Variants in EEF2KMT observed in about 807,000 individuals in gnomAD.
EEF2KMT encodes eukaryotic elongation factor 2 lysine methyltransferase.
In EEF2KMT, 30 loss-of-function variants were observed where a neutral mutation model predicts 35.1. The observed-to-expected ratio is 0.85, with a 90% CI of 0.64 to 1.16. EEF2KMT has a LOEUF of 1.16. Ranked by LOEUF, EEF2KMT falls within the 50% of genes most tolerant of loss-of-function variation. The probability of loss-of-function intolerance (pLI) is 0.00; values close to 1 mark genes in which losing one functional copy is unlikely to be tolerated. For synonymous variants in EEF2KMT, 190 were observed against 187.7 expected (o/e 1.01, Z -0.10); for missense variants, 499 against 438.2 (o/e 1.14, Z -1.24).
chr16:5,088,137 C>T (rs1233240805), intron 7 of EEF2KMT, among the ~76,000 whole-genome samples: 2 of 151,900 alleles, frequency 1.3e-5, no homozygotes, highest in African/African-American at 4.8e-5. Context: ...AGATGGGGTC[C>T]CACTATGTGG....
rs757985006 is a variant in EEF2KMT at position 5,090,497 on chromosome 16, G to C, written c.411C>G (p.Val137=). Residue 137 remains valine, a synonymous_variant, in exon 5 of 8, where the codon GTC becomes GTG. Coordinates refer to ENST00000427587, the MANE Select transcript of EEF2KMT (RefSeq NM_201400.4). The surrounding 1 kb of genome is among the most constrained non-coding windows in gnomAD (Gnocchi z 4.1). ...AIISYGTTGL[V]TWDAALYLAE... is the part of the protein sequence containing the mutation. ...CAAGGTAGAGGGCGGCGTCCCATGT[G>C]ACCAGGCCTGTGGTACCGTAGGAGA... 6 of 1,612,032 alleles carry C rather than the reference G, an allele frequency of 3.7e-6. No homozygotes were observed. Among genetic ancestry groups the C allele is most frequent in the Non-Finnish European group, 4.2e-6 (5 of 1,179,850 alleles).
At position 5,093,528 on chromosome 16, in the gene EEF2KMT, A is replaced by G. The variant is rs141165367; in HGVS notation, c.196T>C (p.Ser66Pro). ...AGAAAGCACCGGGCATATTTGACGG[A>G]CGGCGGGTGCTTCACACACACAGGA... Reference protein sequence around the residue: ...KHPVCVKHPPSVKYARCFLSE... With the variant: ...KHPVCVKHPPPVKYARCFLSE... The change falls in exon 3 of 8, where the codon TCC becomes CCC. Residue 66 changes from serine (S) to proline (P), a missense_variant. Ser to Pro is a moderately conservative substitution (Grantham distance 74). Transcript: ENST00000427587. The G allele has an allele frequency of 1.5e-5, 24 of 1,611,886 alleles. No homozygotes were observed. The highest frequency in any genetic ancestry group is 1.9e-5 in the Non-Finnish European group (23 of 1,179,858).
Position 5,085,207 on chromosome 16 carries a change from T to G in EEF2KMT, c.*425A>C, listed in dbSNP as rs1957112223. 1.8e-6 allele frequency: 1 copy of G among 553,282 alleles called. No individual in the cohort carries two copies. Among genetic ancestry groups the G allele is most frequent in the Non-Finnish European group, 3.2e-6 (1 of 309,942 alleles). 34.3% of individuals were successfully genotyped at this position (553,282 alleles called of 1,614,324 possible). A position where few individuals can be genotyped will look rare whatever the true frequency, so the allele number is the denominator to read the frequency against. ...GCGTTTGGTCTCCAGGTGTCCCCTT[T>G]CTGCCGTGTTCCTAACATTTTGATT... On this transcript the variant is annotated 3_prime_UTR_variant, in exon 8 of 8. Transcript: ENST00000427587.
intron 2 of EEF2KMT, among the ~76,000 whole-genome samples, chr16:5,094,589 C>T (rs1957413390): frequency 1.3e-5 from 2 of 152,102 alleles, no homozygotes; most frequent in Non-Finnish European, 2.9e-5. Context: ...AGCAGCTCTC[C>T]CTACATTTCA....
chr16:5,093,408 C>G (rs1036096553), intron 3 of EEF2KMT, 76 bp downstream of exon 3: 1 of 1,606,066 alleles, frequency 6.2e-7, no homozygotes, highest in African/African-American at 1.3e-5. Context: ...AGGCCCAGGG[C>G]CTGGGAAGGA....
At position 5,090,378 on chromosome 16, in the gene EEF2KMT, C is replaced by G. The variant is rs756064652; in HGVS notation, c.477-29G>C. 1.2e-6 allele frequency: 2 copies of G among 1,612,046 alleles called. No homozygotes were observed. The highest frequency in any genetic ancestry group is 1.7e-5 in the Admixed American group (1 of 60,022). Reference sequence around the variant, plus strand: ...GCGGGAGGAAAGGGGACCGTGTCTGCGACTGCACCAGGGTAAGCCTGCCTC... The same window carrying G: ...GCGGGAGGAAAGGGGACCGTGTCTGGGACTGCACCAGGGTAAGCCTGCCTC... On this transcript the variant is annotated intron_variant, in intron 5 of 7. Transcript: ENST00000427587. The surrounding 1 kb of genome is among the most constrained non-coding windows in gnomAD (Gnocchi z 4.1).
intron 6 of EEF2KMT, 200 bp from the exon 7 acceptor site, chr16:5,089,456 G>A (rs555736102): frequency 1.1e-4 from 85 of 749,304 alleles, no homozygotes; most frequent in African/African-American, 2.7e-4. Context: ...GCAAAAGACC[G>A]AAGCAAAAGA....
chr16:5,087,542 T>C (rs1019021365), intron 7 of EEF2KMT, among the ~76,000 whole-genome samples: 1 of 152,172 alleles, frequency 6.6e-6, no homozygotes, highest in African/African-American at 2.4e-5. Flanking sequence ...CTCACGCCCG[T>C]ATTCCTAACA....
In EEF2KMT at chr16:5,090,283, G is replaced by C. The variant is rs371734548; in HGVS notation, c.543C>G (p.Pro181=). 1.2e-6 allele frequency: 2 copies of C among 1,612,070 alleles called. No individual in the cohort carries two copies. The highest frequency in any genetic ancestry group is 1.7e-6 in the Non-Finnish European group (2 of 1,179,868). The change falls in exon 6 of 8, where the codon CCC becomes CCG. Residue 181 remains proline, a synonymous_variant. Transcript: ENST00000427587. This position sits in a 1 kb window ranked among gnomAD's most constrained non-coding sequence, Gnocchi z 4.1. ...GACAGTCGCTGAAGATGTATGCCCG[G>C]GGGCGGCACATCTTGCAGATGGCCA... is the stretch of plus-strand genomic sequence containing the variant. ...TGLAICKMCR[P]RAYIFSDCHS...
At chr16:5,095,837 C>CTGAGTT (rs574414039) in intron 1 of EEF2KMT, among the ~76,000 whole-genome samples, 26,018 of 47,386 alleles carry the variant, frequency 0.55, 10,132 homozygotes, top group Middle Eastern at 0.82. Context: ...GGCTTGCCAT[C>CTGAGTT]TAAGTGGAGA....
intron 3 of EEF2KMT, among the ~76,000 whole-genome samples, chr16:5,092,780 T>C (rs138798082): frequency 0.012 from 1,772 of 152,156 alleles, 24 homozygotes; most frequent in African/African-American, 0.041. Flanking sequence ...CTGGCCAACA[T>C]GGTGAAACTC....
At position 5,090,335 on chromosome 16, in the gene EEF2KMT, A is replaced by C. The variant is rs1320974896; in HGVS notation, c.491T>G (p.Leu164Arg). ...AVFTNRTVLE[L>R]GSGAGLTGLA... ...GCCTGTGAGGCCAGCACCACTGCCAAGCTCTAGGACAGTCCTGGCGGGAGG... is the reference window on the plus strand; with the variant it reads ...GCCTGTGAGGCCAGCACCACTGCCACGCTCTAGGACAGTCCTGGCGGGAGG... The change falls in exon 6 of 8, where the codon CTT becomes CGT. Residue 164 changes from leucine to arginine, a missense_variant. Transcript: ENST00000427587. This position sits in a 1 kb window ranked among gnomAD's most constrained non-coding sequence, Gnocchi z 4.1. 12 of 1,611,944 alleles carry C rather than the reference A, an allele frequency of 7.4e-6. No homozygotes were observed. The highest frequency in any genetic ancestry group is 1.0e-5 in the Non-Finnish European group (12 of 1,179,862).
intron 7 of EEF2KMT, among the ~76,000 whole-genome samples, chr16:5,087,921 T>G (rs1429180171): frequency 3.0e-5 from 1 of 32,998 alleles, no homozygotes; most frequent in East Asian, 9.7e-4. Context: ...AAGAAAGACT[T>G]CCTTTTTTTT....
At chr16:5,094,170 C>T (rs1482635278) in intron 2 of EEF2KMT, among the ~76,000 whole-genome samples, 24 of 152,218 alleles carry the variant, frequency 1.6e-4, no homozygotes, top group Admixed American at 1.2e-3. Context: ...AGGGAGGAGA[C>T]GGTCCACAGT....
At chr16:5,095,274 C>T (rs1349170679) in intron 2 of EEF2KMT, 178 bp downstream of exon 2, 10 of 833,786 alleles carry the variant, frequency 1.2e-5, no homozygotes, top group African/African-American at 1.7e-5. Flanking sequence ...AAATAGAAAA[C>T]GAAAGCGCTG....
chr16:5,090,079 A>G lies in EEF2KMT; in HGVS notation c.742+5T>C. 1.2e-6 allele frequency: 2 copies of G among 1,603,300 alleles called. No individual in the cohort carries two copies. The highest frequency in any genetic ancestry group is 4.5e-5 in the East Asian group (2 of 44,884). ...CTGCACAGGGTGCCCGGGGCTGGGC[A>G]TTACCTGCTGCAATGACAACATCTG... On this transcript the variant is annotated splice_donor_5th_base_variant and intron_variant, in intron 6 of 7. Coordinates refer to ENST00000427587, the MANE Select transcript of EEF2KMT (RefSeq NM_201400.4). The surrounding 1 kb of genome is among the most constrained non-coding windows in gnomAD (Gnocchi z 4.1).
In EEF2KMT at chr16:5,085,615, G is replaced by A. The variant is rs1957128992; in HGVS notation, c.*17C>T. 13 of 1,528,436 alleles carry A rather than the reference G, an allele frequency of 8.5e-6. No individual in the cohort carries two copies. The highest frequency in any genetic ancestry group is 1.7e-5 in the Admixed American group (1 of 59,884). The allele number at this position is 1,528,436 out of a possible 1,614,324, so 94.7% of individuals were successfully genotyped here. ...GTGACTTGATTCTCACAATCCCGTT[G>A]GAGTCGTGTGTGAGTCCTACAGGGT... On this transcript the variant is annotated 3_prime_UTR_variant, in exon 8 of 8. Coordinates refer to ENST00000427587, the MANE Select transcript of EEF2KMT (RefSeq NM_201400.4).
In EEF2KMT at chr16:5,090,272, A is replaced by G. The variant is rs1319484122; in HGVS notation, c.554T>C (p.Ile185Thr). The change falls in exon 6 of 8, where the codon ATC becomes ACC. Residue 185 changes from isoleucine (I) to threonine (T), a missense_variant. By Grantham distance (89) the Ile-to-Thr change is moderately conservative (BLOSUM62 -1). Transcript: ENST00000427587. The surrounding 1 kb of genome is among the most constrained non-coding windows in gnomAD (Gnocchi z 4.1). ...GACCCGGCTGTGACAGTCGCTGAAG[A>G]TGTATGCCCGGGGGCGGCACATCTT... ...ICKMCRPRAY[I>T]FSDCHSRVLE... 2 of 1,612,028 alleles carry G rather than the reference A, an allele frequency of 1.2e-6. No homozygotes were observed. The highest frequency in any genetic ancestry group is 3.3e-5 in the Admixed American group (2 of 60,022).
chr16:5,093,385 G>A (rs1957382845), intron 3 of EEF2KMT, 99 bp downstream of exon 3: 2 of 1,578,552 alleles, frequency 1.3e-6, no homozygotes, highest in Non-Finnish European at 1.7e-6. Context: ...TGCCATGCTG[G>A]GGTTTGCAAA....
Sources: gnomAD v4.1 joint callset for allele counts (sites outside exome capture counted in the v4.1 genomes callset) on GRCh38, gnomAD v4.1.1 for gene constraint, Gnocchi (gnomAD v3.1) non-coding constraint, MANE v1.5 for transcripts, NCBI Gene and HGNC (gene_info 2026-07-23, HGNC 2026-07-21) for gene names.